ERICH3: variants seen among roughly 807,000 people sequenced by gnomAD.
ERICH3 encodes glutamate-rich protein 3.
Under a neutral mutation model 131.1 loss-of-function variants are expected in ERICH3, and 126 were observed. The observed-to-expected ratio is 0.96, with a 90% CI of 0.83 to 1.11. The LOEUF (loss-of-function observed/expected upper bound fraction) is 1.11. ERICH3 is among the 50% of genes most tolerant of loss of function. ERICH3 has a pLI of 0.00. For missense variants in ERICH3, 2,050 were observed against 1,810.7 expected (o/e 1.13, Z -2.40); for synonymous variants, 695 against 644.6 (o/e 1.08, Z -1.18).
intron 1 of ERICH3, 78 bp downstream of exon 1, chr1:74,673,419 C>A: frequency 6.4e-7 from 1 of 1,554,244 alleles, no homozygotes; most frequent in Non-Finnish European, 8.8e-7. Context: ...CTTCCCTCCG[C>A]AGCAGGAGGG....
intron 9 of ERICH3, among the ~76,000 whole-genome samples, chr1:74,612,242 T>C (rs1648732330): frequency 6.6e-6 from 1 of 152,164 alleles, no homozygotes; most frequent in South Asian, 2.1e-4. Flanking sequence ...GCACACACTT[T>C]AAGGCTCAGT....
chr1:74,584,559 C>T lies in ERICH3; in HGVS notation c.2176+5072G>A, dbSNP rs143700550. 2.4e-4 allele frequency among the ~76,000 whole-genome samples: 37 copies of T among 152,302 alleles called. No individual in the cohort carries two copies. The East Asian group carries it at 6.6e-3, about 27-fold the overall frequency. ...GATGACAGAGTGGCCTCCCCCTGCACTTCATTCATCTCTGTTCAGATGTCC... is the reference window on the plus strand; with the variant it reads ...GATGACAGAGTGGCCTCCCCCTGCATTTCATTCATCTCTGTTCAGATGTCC... On this transcript the variant is annotated intron_variant, in intron 12 of 14. Coordinates refer to ENST00000326665, the MANE Select transcript of ERICH3 (RefSeq NM_001002912.5).
intron 12 of ERICH3, chr1:74,586,465 G>C (rs886989055): frequency 1.0e-6 from 1 of 984,374 alleles, no homozygotes; most frequent in Non-Finnish European, 1.2e-6. Flanking sequence ...GGTTGGGCGA[G>C]AAAGACTTTC....
chr1:74,663,536 T>C (rs938186780), intron 1 of ERICH3, among the ~76,000 whole-genome samples: 1 of 151,268 alleles, frequency 6.6e-6, no homozygotes, highest in African/African-American at 2.4e-5. Context: ...TAGCAAGGCA[T>C]GTCCATTGCT....
intron 10 of ERICH3, among the ~76,000 whole-genome samples, chr1:74,600,293 A>G (rs1014154547): frequency 1.3e-5 from 2 of 151,942 alleles, no homozygotes; most frequent in Non-Finnish European, 2.9e-5. Context: ...TATAATAATG[A>G]AAGTTAATTT....
At position 74,573,051 on chromosome 1, in the gene ERICH3, C is replaced by G. The variant is rs143993406; in HGVS notation, c.2659G>C (p.Glu887Gln). 9 of 1,614,162 alleles carry G rather than the reference C, an allele frequency of 5.6e-6. No homozygotes were observed. The highest frequency in any genetic ancestry group is 7.6e-6 in the Non-Finnish European group (9 of 1,180,016). Residue 887 changes from glutamate (E) to glutamine (Q), a missense_variant, in exon 14 of 15, where the codon GAG (glutamate) becomes CAG (glutamine). Glu to Gln is a conservative substitution (Grantham distance 29). Transcript: ENST00000326665. The stretch of plus-strand genomic sequence containing the variant: ...CCTTCAGAAGCTGCTTTGTCTGTCT[C>G]AAGCACTGTGAGCATCAAGGCTTGC... Reference protein sequence around the residue: ...EKQALMLTVLETDKAASEGEQ... With the variant: ...EKQALMLTVLQTDKAASEGEQ...
At chr1:74,629,233 G>GA (rs529953580) in intron 7 of ERICH3, among the ~76,000 whole-genome samples, 105 of 142,702 alleles carry the variant, frequency 7.4e-4, no homozygotes, top group Middle Eastern at 3.6e-3. Context: ...AGATAAAATT[G>GA]AAAAAAAAAA....
chr1:74,605,340 C>T (rs924397520), intron 10 of ERICH3, among the ~76,000 whole-genome samples: 7 of 151,892 alleles, frequency 4.6e-5, no homozygotes, highest in African/African-American at 9.6e-5. Flanking sequence ...TCAGCAATAA[C>T]GATTTCTTTT....
chr1:74,595,801 G>A (rs893565264), intron 11 of ERICH3, among the ~76,000 whole-genome samples: 9 of 151,964 alleles, frequency 5.9e-5, no homozygotes, highest in Admixed American at 3.9e-4. Flanking sequence ...TTCCTACTTC[G>A]ACAATTGAAA....
At position 74,573,390 on chromosome 1, in the gene ERICH3, C is replaced by T. The variant is rs746916024; in HGVS notation, c.2320G>A (p.Ala774Thr). The T allele has an allele frequency of 6.2e-7, 1 of 1,607,444 alleles. No individual in the cohort carries two copies. Among genetic ancestry groups the T allele is most frequent in the Admixed American group, 1.7e-5 (1 of 58,436 alleles). Reference sequence around the variant, plus strand: ...TGGGGCGCTTCATCTTCCTCCATTGCTTCTTTCTTCTCCAGTGTATACGTT... The same window carrying T: ...TGGGGCGCTTCATCTTCCTCCATTGTTTCTTTCTTCTCCAGTGTATACGTT... ...QKTYTLEKKE[A>T]MEEDEAPQHR... The change falls in exon 14 of 15, where the codon GCA (alanine) becomes ACA (threonine). Residue 774 changes from alanine (A) to threonine (T), a missense_variant. By Grantham distance (58) the Ala-to-Thr change is moderately conservative. Transcript: ENST00000326665.
intron 11 of ERICH3, among the ~76,000 whole-genome samples, chr1:74,595,482 G>C (rs990724984): frequency 6.6e-6 from 1 of 151,978 alleles, no homozygotes; most frequent in Non-Finnish European, 1.5e-5. Flanking sequence ...TGCAGATATA[G>C]CAGGAGGAGA....
In ERICH3 at chr1:74,571,704, T is replaced by C. The variant is rs1293971189; in HGVS notation, c.4006A>G (p.Arg1336Gly). Reference protein sequence around the residue: ...TQKNEGMGGGRVVAVEVLHGG... With the variant: ...TQKNEGMGGGGVVAVEVLHGG... ...TGTAGAACTTCCACAGCCACAACCC[T>C]TCCTCCTCCCATGCCCTCATTCTTT... The change falls in exon 14 of 15, where the codon AGG (arginine) becomes GGG (glycine). Residue 1336 changes from arginine to glycine, a missense_variant. By Grantham distance (125) the Arg-to-Gly change is moderately radical (BLOSUM62 -2). Coordinates refer to ENST00000326665, the MANE Select transcript of ERICH3 (RefSeq NM_001002912.5). The C allele has an allele frequency of 2.5e-6, 4 of 1,614,006 alleles. No homozygotes were observed. The highest frequency in any genetic ancestry group is 3.4e-6 in the Non-Finnish European group (4 of 1,179,978).
At position 74,601,328 on chromosome 1, in the gene ERICH3, A is replaced by C. The variant is rs191030946; in HGVS notation, c.1490-1397T>G. On this transcript the variant is annotated intron_variant, in intron 10 of 14. Coordinates refer to ENST00000326665, the MANE Select transcript of ERICH3 (RefSeq NM_001002912.5). ...TATTTTTTGAGAATCTTCTATGATTAAGAGGATAAAATTGCAAGACAGAAG... is the reference window on the plus strand; with the variant it reads ...TATTTTTTGAGAATCTTCTATGATTCAGAGGATAAAATTGCAAGACAGAAG... 3.3e-3 allele frequency among the ~76,000 whole-genome samples: 508 copies of C among 151,938 alleles called. 3 individuals are homozygous for C. Among genetic ancestry groups the C allele is most frequent in the African/African-American group, 0.012 (496 of 41,524 alleles).
At chr1:74,624,452 C>T (rs1649346132) in intron 7 of ERICH3, 1 of 152,182 alleles carries the variant, frequency 6.6e-6, no homozygotes, top group African/African-American at 2.4e-5. Flanking sequence ...CATGTTCTTC[C>T]CTTTCTCTTC....
intron 1 of ERICH3, among the ~76,000 whole-genome samples, chr1:74,658,273 A>G (rs1646604601): frequency 6.6e-6 from 1 of 152,040 alleles, no homozygotes; most frequent in Non-Finnish European, 1.5e-5. Context: ...TTCCCATCTT[A>G]GCTAATTTGA....
intron 1 of ERICH3, among the ~76,000 whole-genome samples, chr1:74,656,899 C>A (rs1646590300): frequency 6.6e-6 from 1 of 152,134 alleles, no homozygotes; most frequent in Non-Finnish European, 1.5e-5. Flanking sequence ...TAATCACTGT[C>A]TTCAGACTCA....
intron 1 of ERICH3, among the ~76,000 whole-genome samples, chr1:74,670,361 ACT>A (rs570370554): frequency 4.6e-4 from 70 of 152,140 alleles, no homozygotes; most frequent in African/African-American, 1.7e-3. Flanking sequence ...AAGAGAAATG[ACT>A]CTGATCCTAT....
chr1:74,664,565 T>G lies in ERICH3; in HGVS notation c.23+8932A>C, dbSNP rs1646671809. ...AACTGCTACTATAAAACACTATGAT[T>G]CAATTCAATTTAAAATCCTTAGTTT... is the stretch of plus-strand genomic sequence containing the variant. On this transcript the variant is annotated intron_variant, in intron 1 of 14. Transcript: ENST00000326665. Among the ~76,000 whole-genome samples, 3 of 152,156 alleles carry G rather than the reference T, an allele frequency of 2.0e-5. No individual in the cohort carries two copies. In the South Asian group the frequency reaches 6.2e-4, roughly 32 times the overall value.
Position 74,589,940 on chromosome 1 carries a change from G to C in ERICH3, c.1867C>G (p.Leu623Val). ...TTTCTTGGCTTATCATTTTCACTCA[G>C]TTCCTGAGAAGATGACCTTCTGGCA... is the stretch of plus-strand genomic sequence containing the variant. ...ESARRSSSQELSENDKPRKSH... is the reference protein window; with the variant it reads ...ESARRSSSQEVSENDKPRKSH... Residue 623 changes from leucine to valine, a missense_variant, in exon 12 of 15, where the codon CTG becomes GTG. Leu to Val is a conservative substitution (Grantham distance 32). Coordinates refer to ENST00000326665, the MANE Select transcript of ERICH3 (RefSeq NM_001002912.5). 6.2e-7 allele frequency: 1 copy of C among 1,613,970 alleles called. No individual in the cohort carries two copies. Among genetic ancestry groups the C allele is most frequent in the Non-Finnish European group, 8.5e-7 (1 of 1,179,942 alleles).
Sources: allele counts gnomAD v4.1 joint callset (sites outside exome capture counted in the v4.1 genomes callset), GRCh38; gene constraint gnomAD v4.1.1; transcripts MANE v1.5; gene names NCBI Gene and HGNC (gene_info 2026-07-23, HGNC 2026-07-21).